Variants in CLASP1 observed in about 807,000 individuals in gnomAD.
The protein encoded by CLASP1 is cytoplasmic linker associated protein 1.
Under a neutral mutation model 192.3 loss-of-function variants are expected in CLASP1, and 38 were observed. That is an observed-to-expected ratio of 0.20 (90% CI 0.15 to 0.26). The LOEUF (loss-of-function observed/expected upper bound fraction) is 0.26. Among genes scored for constraint, CLASP1 ranks in the 10% least tolerant of loss-of-function variants. The probability of loss-of-function intolerance (pLI) is 1.00; values close to 1 mark genes in which losing one functional copy is unlikely to be tolerated. For missense variants in CLASP1, 1,433 were observed against 1,932.5 expected (o/e 0.74, Z 4.85); for synonymous variants, 691 against 712.8 (o/e 0.97, Z 0.49).
chr2:121,499,028 T>C (rs1190696389), intron 8 of CLASP1, among the ~76,000 whole-genome samples: 7 of 152,194 alleles, frequency 4.6e-5, no homozygotes, highest in African/African-American at 1.7e-4. Context: ...GTTTGAGCAG[T>C]TACTCAGAAA....
chr2:121,566,213 T>C (rs1433052027), intron 2 of CLASP1, among the ~76,000 whole-genome samples: 1 of 152,158 alleles, frequency 6.6e-6, no homozygotes, highest in African/African-American at 2.4e-5. Context: ...AAAAGAGAAA[T>C]GGGGACGAAA....
intron 8 of CLASP1, among the ~76,000 whole-genome samples, chr2:121,472,081 G>A (rs2090844551): frequency 6.6e-6 from 1 of 152,200 alleles, no homozygotes; most frequent in East Asian, 1.9e-4. Flanking sequence ...ATTCTGCTGA[G>A]TGGGAACAGT....
At chr2:121,400,878 CAA>C (rs2076064563) in intron 28 of CLASP1, among the ~76,000 whole-genome samples, 1 of 152,210 alleles carries the variant, frequency 6.6e-6, no homozygotes, top group Admixed American at 6.5e-5. Context: ...GACATTATTG[CAA>C]AGTGTCTTCT....
chr2:121,403,679 A>G, intron 26 of CLASP1: 1 of 450,650 alleles, frequency 2.2e-6, no homozygotes, highest in Non-Finnish European at 4.5e-6. Flanking sequence ...CTAGACTCCA[A>G]GTAAACTTCT....
intron 17 of CLASP1, 25 bp downstream of exon 17, chr2:121,448,928 T>C: frequency 6.3e-7 from 1 of 1,598,200 alleles, no homozygotes. Flanking sequence ...CTCACATGAA[T>C]GATAAGCAAA....
intron 39 of CLASP1, among the ~76,000 whole-genome samples, chr2:121,346,173 TAG>T (rs1484608881): frequency 6.6e-6 from 1 of 152,224 alleles, no homozygotes; most frequent in Non-Finnish European, 1.5e-5. Flanking sequence ...CTTCGTTTGA[TAG>T]AGTGGTTTGT....
At position 121,447,191 on chromosome 2, in the gene CLASP1, G is replaced by C. The variant is rs2084517955; in HGVS notation, c.1912+146C>G. The stretch of plus-strand genomic sequence containing the variant: ...AACAAGGGTGGCTGGCTGATCAGCA[G>C]CAAGTGCACGAAGCTACTTAGATTT... On this transcript the variant is annotated intron_variant, in intron 19 of 39. Transcript: ENST00000263710. The C allele has an allele frequency of 4.1e-6, 3 of 730,466 alleles. No homozygotes were observed. In the South Asian group the frequency reaches 5.7e-5, roughly 14 times the overall value. The allele number at this position is 730,466 out of a possible 1,614,324, so 45.2% of individuals were successfully genotyped here. A position where few individuals can be genotyped will look rare whatever the true frequency, so the allele number is the denominator to read the frequency against.
In CLASP1 at chr2:121,540,359, A is replaced by G. The variant is rs2095202915; in HGVS notation, c.196-10034T>C. ...CTATGAAGTTCAAAAACAAGCAAATAAAGTGGGCACGGTGGTGTCTACAGT... is the reference window on the plus strand; with the variant it reads ...CTATGAAGTTCAAAAACAAGCAAATGAAGTGGGCACGGTGGTGTCTACAGT... On this transcript the variant is annotated intron_variant, in intron 2 of 39. Coordinates refer to ENST00000263710, the Ensembl canonical transcript of CLASP1. Among the ~76,000 whole-genome samples, 2 of 152,244 alleles carry G rather than the reference A, an allele frequency of 1.3e-5. 1 individual carries two copies. The highest frequency in any genetic ancestry group is 4.1e-4 in the South Asian group (2 of 4,828).
intron 37 of CLASP1, among the ~76,000 whole-genome samples, chr2:121,353,191 T>C (rs1412321034): frequency 2.0e-5 from 3 of 152,124 alleles, no homozygotes; most frequent in African/African-American, 7.2e-5. Context: ...AAGCTAGGTG[T>C]TGGTGGAGGA....
intron 8 of CLASP1, among the ~76,000 whole-genome samples, chr2:121,492,597 G>A (rs2093365489): frequency 6.6e-6 from 1 of 150,866 alleles, no homozygotes; most frequent in African/African-American, 2.4e-5. Flanking sequence ...AAACATATTA[G>A]TCATTAGGGA....
intron 3 of CLASP1, among the ~76,000 whole-genome samples, chr2:121,529,696 T>C (rs1559527654): frequency 2.0e-5 from 3 of 152,056 alleles, no homozygotes; most frequent in Non-Finnish European, 4.4e-5. Context: ...AAAATAAGAG[T>C]GAACATTTAC....
chr2:121,373,036 T>C (rs142930738), intron 34 of CLASP1, among the ~76,000 whole-genome samples: 7 of 152,350 alleles, frequency 4.6e-5, no homozygotes, highest in African/African-American at 1.7e-4. Flanking sequence ...CTTTTGCACA[T>C]CTGATATGGT....
At chr2:121,381,871 CA>C (rs1236696275) in intron 33 of CLASP1, among the ~76,000 whole-genome samples, 1 of 152,294 alleles carries the variant, frequency 6.6e-6, no homozygotes, top group East Asian at 1.9e-4. Context: ...AAACTGCTCC[CA>C]CTATTGCCCA....
At chr2:121,433,806 C>T (rs1410941771) in intron 19 of CLASP1, among the ~76,000 whole-genome samples, 1 of 152,160 alleles carries the variant, frequency 6.6e-6, no homozygotes, top group Non-Finnish European at 1.5e-5. Context: ...GTGGTCATGA[C>T]ATACACACTC....
chr2:121,464,049 T>C (rs1422914358), intron 9 of CLASP1, among the ~76,000 whole-genome samples: 2 of 138,264 alleles, frequency 1.4e-5, no homozygotes, highest in Non-Finnish European at 3.0e-5. Flanking sequence ...CCTGTGTCCA[T>C]GTGTTCTCAT....
chr2:121,543,902 A>C (rs1261369073), intron 2 of CLASP1, among the ~76,000 whole-genome samples: 1 of 152,212 alleles, frequency 6.6e-6, no homozygotes, highest in African/African-American at 2.4e-5. Flanking sequence ...CGTCTATCTT[A>C]CAAAGATTCT....
chr2:121,475,412 A>G (rs1170317001), intron 8 of CLASP1, among the ~76,000 whole-genome samples: 4 of 152,246 alleles, frequency 2.6e-5, no homozygotes, highest in African/African-American at 9.6e-5. Context: ...ACCTAGTTTC[A>G]GTTAACTGGG....
At chr2:121,462,456 T>G (rs114715944) in intron 10 of CLASP1, 76 bp downstream of exon 10, 2 of 815,270 alleles carry the variant, frequency 2.5e-6, no homozygotes, top group South Asian at 3.2e-5. Flanking sequence ...CAACATTACA[T>G]AGGCAGAATT....
intron 1 of CLASP1, among the ~76,000 whole-genome samples, chr2:121,649,079 G>A (rs530342715): frequency 6.6e-6 from 1 of 152,294 alleles, no homozygotes; most frequent in East Asian, 1.9e-4. Flanking sequence ...GTGGGGTCTG[G>A]AAAAGGGAAA....
Sources: allele counts gnomAD v4.1 joint callset (sites outside exome capture counted in the v4.1 genomes callset), GRCh38; gene constraint gnomAD v4.1.1; transcripts MANE v1.5; gene names NCBI Gene and HGNC (gene_info 2026-07-23, HGNC 2026-07-21).